Variants in TMOD1 observed in about 807,000 individuals in gnomAD.
TMOD1 encodes tropomodulin-1.
Under a neutral mutation model 40.6 loss-of-function variants are expected in TMOD1, and 17 were observed. The ratio of observed to expected loss-of-function variants is 0.42; its 90% CI spans 0.29 to 0.63. The LOEUF (loss-of-function observed/expected upper bound fraction) is 0.63, where lower values mean the gene tolerates loss of function less well. TMOD1 is among the 20% of genes least tolerant of loss of function. The pLI is 0.22. For missense variants in TMOD1, 391 were observed against 447.6 expected (o/e 0.87, Z 1.14); for synonymous variants, 181 against 175.0 (o/e 1.03, Z -0.27).
chr9:97,599,549 G>T, intron 9 of TMOD1, 85 bp from the exon 10 acceptor site: 1 of 1,559,648 alleles, frequency 6.4e-7, no homozygotes, highest in Non-Finnish European at 8.8e-7. Context: ...ATTAGTGCGA[G>T]GTTTCACAGT....
intron 1 of TMOD1, among the ~76,000 whole-genome samples, chr9:97,506,145 T>G (rs1471571718): frequency 6.6e-6 from 1 of 152,170 alleles, no homozygotes; most frequent in African/African-American, 2.4e-5. Context: ...GTTCTCCCTC[T>G]TCTCAGTCTG....
intron 9 of TMOD1, among the ~76,000 whole-genome samples, chr9:97,592,568 A>G (rs147617333): frequency 1.3e-5 from 2 of 152,330 alleles, no homozygotes; most frequent in African/African-American, 4.8e-5. Flanking sequence ...ATAAAATGCA[A>G]AGAGCCTAAT....
intron 4 of TMOD1, among the ~76,000 whole-genome samples, chr9:97,553,682 CT>C: frequency 1.3e-5 from 2 of 152,294 alleles, no homozygotes; most frequent in East Asian, 3.9e-4. Context: ...CACAGACGCC[CT>C]TTCCCAGCCA....
At position 97,557,676 on chromosome 9, in the gene TMOD1, C is replaced by T. The variant is rs1358433946; in HGVS notation, c.397+4276C>T. ...CCCTGGGATGCAGGAGAACATCTTC[C>T]AGCCATCTGCCCAGAGCCAGCCCGA... On this transcript the variant is annotated intron_variant, in intron 4 of 9. Coordinates refer to ENST00000259365, the MANE Select transcript of TMOD1 (RefSeq NM_003275.4). The surrounding 1 kb of genome is among the most constrained non-coding windows in gnomAD (Gnocchi z 4.4). Among the ~76,000 whole-genome samples, 2 of 152,200 alleles carry T rather than the reference C, an allele frequency of 1.3e-5. No individual in the cohort carries two copies. The highest frequency in any genetic ancestry group is 3.9e-4 in the East Asian group (2 of 5,194).
intron 1 of TMOD1, chr9:97,516,181 T>C (rs1169072991): frequency 6.6e-6 from 1 of 152,222 alleles, no homozygotes; most frequent in African/African-American, 2.4e-5. Context: ...TATCCCTGAC[T>C]GACAATTCAG....
At chr9:97,596,952 T>A (rs1328025433) in intron 9 of TMOD1, among the ~76,000 whole-genome samples, 2 of 152,250 alleles carry the variant, frequency 1.3e-5, no homozygotes, top group African/African-American at 2.4e-5. Flanking sequence ...ACATTGTATA[T>A]CTTGGTTCCT....
intron 1 of TMOD1, among the ~76,000 whole-genome samples, chr9:97,509,739 G>A (rs1168628844): frequency 1.2e-4 from 19 of 152,066 alleles, no homozygotes; most frequent in Admixed American, 1.2e-3. Flanking sequence ...GTATACCAAT[G>A]TAACTTCTCT....
rs542823922 is a variant in TMOD1, at chr9:97,581,443, C to T, written c.871-9848C>T. Among the ~76,000 whole-genome samples, 246 of 151,982 alleles carry T rather than the reference C, an allele frequency of 1.6e-3. 3 individuals carry two copies. The Middle Eastern group carries it at 0.037, about 23-fold the overall frequency. ...AAGTCTTTGCGATTGTGAATAATGC[C>T]GCAATAAACATACGTGTGCAGGTGT... On this transcript the variant is annotated intron_variant, in intron 8 of 9. Transcript: ENST00000259365.
At position 97,546,265 on chromosome 9, in the gene TMOD1, C is replaced by A; in HGVS notation, c.201C>A (p.Leu67=). The stretch of plus-strand genomic sequence containing the variant: ...CGGGCCCCTTTAAAAGAGAGGAGCT[C>A]TTGGATCACTTGGAAAAGCAAGCAA... ...APTGPFKREE[L]LDHLEKQAKE... is the part of the protein sequence containing the mutation. Residue 67 remains leucine (L), a synonymous_variant, in exon 3 of 10, where the codon CTC becomes CTA. Transcript: ENST00000259365. 1 of 1,614,060 alleles carries A rather than the reference C, an allele frequency of 6.2e-7. No homozygotes were observed. The highest frequency in any genetic ancestry group is 1.1e-5 in the South Asian group (1 of 91,064).
chr9:97,506,225 C>G (rs750948498), intron 1 of TMOD1, among the ~76,000 whole-genome samples: 4 of 152,184 alleles, frequency 2.6e-5, no homozygotes, highest in Non-Finnish European at 1.5e-5. Context: ...CCCCCTGTGC[C>G]AACTCAGAGC....
intron 1 of TMOD1, among the ~76,000 whole-genome samples, chr9:97,506,932 G>A (rs990891811): frequency 5.0e-4 from 76 of 152,164 alleles, no homozygotes; most frequent in African/African-American, 1.7e-3. Flanking sequence ...CTTCTAATAA[G>A]CTCTAATAAG....
Position 97,600,164 on chromosome 9 carries a change from C to A in TMOD1, c.*466C>A, listed in dbSNP as rs1284109082. The A allele has an allele frequency of 1.0e-6, 1 of 997,626 alleles. No individual in the cohort carries two copies. The highest frequency in any genetic ancestry group is 1.2e-6 in the Non-Finnish European group (1 of 836,012). 61.8% of individuals were successfully genotyped at this position (997,626 alleles called of 1,614,324 possible). On this transcript the variant is annotated 3_prime_UTR_variant, in exon 10 of 10. Coordinates refer to ENST00000259365, the MANE Select transcript of TMOD1 (RefSeq NM_003275.4). ...AACTGATTATCATTCTTTATTAACC[C>A]TCCTTGGAATTTTGAAAACCTCGAT... is the stretch of plus-strand genomic sequence containing the variant.
chr9:97,518,980 G>A (rs1468511137), intron 1 of TMOD1, among the ~76,000 whole-genome samples: 4 of 152,346 alleles, frequency 2.6e-5, no homozygotes, highest in African/African-American at 4.8e-5. Flanking sequence ...CACTGTGGCT[G>A]AAATAACAAG....
At chr9:97,573,975 C>A (rs1830865198) in intron 8 of TMOD1, among the ~76,000 whole-genome samples, 1 of 152,208 alleles carries the variant, frequency 6.6e-6, no homozygotes, top group Non-Finnish European at 1.5e-5. Context: ...ATTAAGTCAT[C>A]ACAGTAAGAA....
At chr9:97,577,388 T>C (rs1825636419) in intron 8 of TMOD1, among the ~76,000 whole-genome samples, 1 of 152,214 alleles carries the variant, frequency 6.6e-6, no homozygotes. Flanking sequence ...GCACAGACTC[T>C]AGAGCTCGCT....
chr9:97,531,299 G>T (rs1830099272), intron 2 of TMOD1, among the ~76,000 whole-genome samples: 1 of 152,118 alleles, frequency 6.6e-6, no homozygotes, highest in African/African-American at 2.4e-5. Context: ...GCTTTCCTTA[G>T]ACCATAATGT....
intron 8 of TMOD1, among the ~76,000 whole-genome samples, chr9:97,577,345 AT>A (rs1486195624): frequency 6.6e-6 from 1 of 152,194 alleles, no homozygotes; most frequent in Non-Finnish European, 1.5e-5. Flanking sequence ...CCTTCTGGTC[AT>A]TCTCAGAGGC....
intron 2 of TMOD1, among the ~76,000 whole-genome samples, chr9:97,545,719 G>A (rs891833506): frequency 1.3e-5 from 2 of 152,150 alleles, no homozygotes; most frequent in South Asian, 4.2e-4. Flanking sequence ...TCCATCCAGG[G>A]CCCCAGCTTA....
Position 97,564,104 on chromosome 9 carries a change from A to C in TMOD1, c.554A>C (p.Glu185Ala). Residue 185 changes from glutamate to alanine, a missense_variant, in exon 6 of 10, where the codon GAA becomes GCA. Glu to Ala is a moderately radical substitution (Grantham distance 107, BLOSUM62 -1). Transcript: ENST00000259365. ...GAACCAAATTCAACAGACGTAGAGGAAACGCTGGAACGGATAAAGAACAAC... is the reference window on the plus strand; with the variant it reads ...GAACCAAATTCAACAGACGTAGAGGCAACGCTGGAACGGATAAAGAACAAC... The part of the protein sequence containing the change: ...DEEPNSTDVE[E>A]TLERIKNNDP... The C allele has an allele frequency of 6.2e-7, 1 of 1,614,172 alleles. No individual in the cohort carries two copies. Among genetic ancestry groups the C allele is most frequent in the Non-Finnish European group, 8.5e-7 (1 of 1,180,006 alleles).
Sources: allele counts gnomAD v4.1 joint callset (sites outside exome capture counted in the v4.1 genomes callset), GRCh38; gene constraint gnomAD v4.1.1; non-coding constraint Gnocchi (gnomAD v3.1); transcripts MANE v1.5; gene names NCBI Gene and HGNC (gene_info 2026-07-23, HGNC 2026-07-21).